DMD: variants seen among roughly 807,000 people sequenced by gnomAD.
The protein encoded by DMD is mutant dystrophin.
In DMD, 63 loss-of-function variants were observed where a neutral mutation model predicts 330.1. The observed-to-expected ratio is 0.19, with a 90% CI of 0.16 to 0.24. The LOEUF is 0.24. Among genes scored for constraint, DMD ranks in the 10% least tolerant of loss-of-function variants. The probability of loss-of-function intolerance (pLI) is 1.00; values close to 1 mark genes in which losing one functional copy is unlikely to be tolerated. For synonymous variants in DMD, 1,223 were observed against 959.8 expected, an observed-to-expected ratio of 1.27 and a Z score of -5.07; for missense variants, 3,344 against 2,684.1, an observed-to-expected ratio of 1.25 and a Z score of -5.43.
At chrX:32,709,983 C>T (rs1450395678) in intron 7 of DMD, among the ~76,000 whole-genome samples, 1 of 110,816 alleles carries the variant, frequency 9.0e-6, no homozygotes, top group Non-Finnish European at 1.9e-5. Flanking sequence ...GGTCTACACC[C>T]CCTGAATGTA....
chrX:32,715,575 C>G (rs768508443), intron 7 of DMD, among the ~76,000 whole-genome samples: 4 of 106,615 alleles, frequency 3.8e-5, no homozygotes, highest in East Asian at 3.0e-4. Context: ...CAGGCAGATA[C>G]GCAGATCACC....
chrX:32,004,943 C>A (rs766126492), intron 44 of DMD, among the ~76,000 whole-genome samples: 1 of 111,160 alleles, frequency 9.0e-6, no homozygotes, highest in African/African-American at 3.3e-5. Context: ...TCTTGATGAT[C>A]TCTCATGCCT....
intron 2 of DMD, among the ~76,000 whole-genome samples, chrX:33,002,094 G>A (rs2093293696): frequency 9.0e-6 from 1 of 110,928 alleles, no homozygotes; most frequent in African/African-American, 3.3e-5. Context: ...TGCTCAAGAA[G>A]TAAGGTACTT....
intron 1 of DMD, among the ~76,000 whole-genome samples, chrX:33,242,052 G>A (rs769414200): frequency 7.1e-5 from 8 of 112,105 alleles, no homozygotes; most frequent in East Asian, 5.6e-4. Context: ...GTGAGCCACC[G>A]TGCCCGGCCA....
chrX:32,727,259 T>C (rs2066992517), intron 7 of DMD, among the ~76,000 whole-genome samples: 1 of 111,456 alleles, frequency 9.0e-6, no homozygotes. Context: ...AGATTACACA[T>C]TGTGTCTTAT....
intron 8 of DMD, among the ~76,000 whole-genome samples, chrX:32,698,804 G>A (rs2063852111): frequency 9.0e-6 from 1 of 111,062 alleles, no homozygotes; most frequent in African/African-American, 3.3e-5. Flanking sequence ...AGTTTAATAT[G>A]TACGTAAGTT....
chrX:31,499,772 C>T (rs1022257119), intron 56 of DMD, among the ~76,000 whole-genome samples: 25 of 111,618 alleles, frequency 2.2e-4, no homozygotes, highest in African/African-American at 7.2e-4. Context: ...GGAGTAGAGG[C>T]GTAAGCTACC....
At chrX:32,326,438 A>G (rs1325155254) in intron 41 of DMD, among the ~76,000 whole-genome samples, 1 of 112,891 alleles carries the variant, frequency 8.9e-6, no homozygotes, top group African/African-American at 3.2e-5. Context: ...CATATAGCAT[A>G]GCTACATAAA....
At chrX:32,453,207 A>ATGTAAATTCCAAGGCAG (rs1298290453) in intron 26 of DMD, among the ~76,000 whole-genome samples, 1 of 110,985 alleles carries the variant, frequency 9.0e-6, no homozygotes, top group African/African-American at 3.3e-5. Flanking sequence ...GAACACTAGA[A>ATGTAAATTCCAAGGCAG]TGTAAATTCC....
rs565087970 is a variant in DMD at position 31,430,793 on chromosome X, CTTTTTTTTTTTTT to C, written c.9084+13675_9084+13687del. Among the ~76,000 whole-genome samples, 12 of 48,336 alleles carry C rather than the reference CTTTTTTTTTTTTT, an allele frequency of 2.5e-4. No individual in the cohort carries two copies. The South Asian group carries it at 8.9e-3, about 36-fold the overall frequency. 42.0% of individuals were successfully genotyped at this position (48,336 alleles called of 115,157 possible). A position where few individuals can be genotyped will look rare whatever the true frequency, so the allele number is the denominator to read the frequency against. ...TGACTTGTTTGAAGCAAGTTAAGGT[CTTTTTTTTTTTTT>C]TTTTTTTTTTTTTTTGAGAGGGAGT... On this transcript the variant is annotated intron_variant, in intron 60 of 78. Transcript: ENST00000357033.
chrX:31,845,375 GTC>G (rs535397626), intron 48 of DMD, among the ~76,000 whole-genome samples: 1,468 of 59,961 alleles, frequency 0.024, 20 homozygotes, highest in Non-Finnish European at 0.033. Context: ...ACAGAATAAA[GTC>G]TCTCTCTCTC....
At chrX:32,465,569 T>C (rs2098399045) in intron 23 of DMD, among the ~76,000 whole-genome samples, 1 of 44,102 alleles carries the variant, frequency 2.3e-5, no homozygotes, top group African/African-American at 7.0e-5. Context: ...CTTTTTTTTT[T>C]TGTTTGTTTT....
chrX:31,375,656 T>C (rs2059849448), intron 60 of DMD, among the ~76,000 whole-genome samples: 1 of 111,519 alleles, frequency 9.0e-6, no homozygotes, highest in East Asian at 2.8e-4. Flanking sequence ...GTTCCTAGAA[T>C]AGTCAAATGC....
intron 4 of DMD, among the ~76,000 whole-genome samples, chrX:32,839,728 GCATT>G (rs1252494850): frequency 1.5e-5 from 1 of 65,132 alleles, no homozygotes. Flanking sequence ...ATAAGATAAT[GCATT>G]TTTTTTTTTT....
intron 5 of DMD, among the ~76,000 whole-genome samples, chrX:32,816,957 G>A (rs2148809981): frequency 8.9e-6 from 1 of 112,229 alleles, no homozygotes; most frequent in Admixed American, 9.5e-5. Flanking sequence ...AGAGAAGACA[G>A]TGTATAAAAC....
chrX:33,084,991 G>T (rs2094983850), intron 1 of DMD, among the ~76,000 whole-genome samples: 1 of 110,043 alleles, frequency 9.1e-6, no homozygotes, highest in Non-Finnish European at 1.9e-5. Flanking sequence ...CTGCAATGGG[G>T]TGGGGGTGGT....
Position 33,058,166 on chromosome X carries a change from C to T in DMD, c.32-37966G>A, listed in dbSNP as rs142224684. On this transcript the variant is annotated intron_variant, in intron 1 of 78. Coordinates refer to ENST00000357033, the MANE Select transcript of DMD (RefSeq NM_004006.3). The stretch of plus-strand genomic sequence containing the variant: ...AAGTGCTAGGATTACAGGCGTGAGC[C>T]ACCTCGCCCAGTCTATACCGCATTT... Among the ~76,000 whole-genome samples, 444 of 112,391 alleles carry T rather than the reference C, an allele frequency of 4.0e-3. 4 individuals carry two copies. Among genetic ancestry groups the T allele is most frequent in the African/African-American group, 0.014 (436 of 30,950 alleles).
At chrX:32,240,529 G>C (rs769346012) in intron 43 of DMD, among the ~76,000 whole-genome samples, 3 of 111,264 alleles carry the variant, frequency 2.7e-5, no homozygotes, top group African/African-American at 9.8e-5. Context: ...TGTTTATAAG[G>C]CATCCAGTCT....
rs372983392 is a variant in DMD at position 32,321,317 on chromosome X, GA to G, written c.5923-11042del. On this transcript the variant is annotated intron_variant, in intron 41 of 78. Coordinates refer to ENST00000357033, the MANE Select transcript of DMD (RefSeq NM_004006.3). ...ATATGTATCAGGACCTCAAATTATG[GA>G]AAAAAAAATTGCAGGTGAAGAGAGA... 9.8e-3 allele frequency among the ~76,000 whole-genome samples: 1,069 copies of G among 109,298 alleles called. 11 individuals are homozygous for G. Among genetic ancestry groups the G allele is most frequent in the African/African-American group, 0.033 (1,004 of 30,223 alleles). 94.9% of individuals were successfully genotyped at this position (109,298 alleles called of 115,157 possible).
Sources: gnomAD v4.1 joint callset for allele counts (sites outside exome capture counted in the v4.1 genomes callset) on GRCh38, gnomAD v4.1.1 for gene constraint, MANE v1.5 for transcripts, NCBI Gene and HGNC (gene_info 2026-07-23, HGNC 2026-07-21) for gene names.